KCTD2: variants seen among roughly 807,000 people sequenced by gnomAD.
KCTD2 encodes the protein BTB/POZ domain-containing protein KCTD2.
KCTD2 carries 18 observed loss-of-function variants against 27.9 expected under a neutral mutation model. The ratio of observed to expected loss-of-function variants is 0.64; its 90% CI spans 0.45 to 0.96. The LOEUF is 0.96. Among genes scored for constraint, KCTD2 ranks in the 40% least tolerant of loss-of-function variants. The probability of loss-of-function intolerance (pLI) is 0.00; values close to 1 mark genes in which losing one functional copy is unlikely to be tolerated. For synonymous variants in KCTD2, 175 were observed against 148.4 expected, an observed-to-expected ratio of 1.18 and a Z score of -1.30; for missense variants, 280 against 348.0, an observed-to-expected ratio of 0.80 and a Z score of 1.56.
chr17:75,062,024 T>A (rs914565525), intron 4 of KCTD2, 96 bp from the exon 5 acceptor site: 34 of 1,445,396 alleles, frequency 2.4e-5, no homozygotes, highest in Non-Finnish European at 1.9e-6. Flanking sequence ...CTTTGATAAC[T>A]TAAAAGTTCA....
In KCTD2 at chr17:75,060,631, G is replaced by T. The variant is rs373289529; in HGVS notation, c.636+1026G>T. On this transcript the variant is annotated intron_variant, in intron 4 of 5. Coordinates refer to ENST00000322444, the MANE Select transcript of KCTD2 (RefSeq NM_015353.3). ...TGGCTCGCCAGGTTCATGGCTGGGC[G>T]CGTGGCGAGTGGGCCCGGCCAGGGA... 51 of 1,576,976 alleles carry T rather than the reference G, an allele frequency of 3.2e-5. 1 individual carries two copies. In the South Asian group the frequency reaches 5.6e-4, roughly 17 times the overall value.
At position 75,055,637 on chromosome 17, in the gene KCTD2, G is replaced by A. The variant is rs12943148; in HGVS notation, c.540+2532G>A. Among the ~76,000 whole-genome samples the A allele has an allele frequency of 2.6e-5, 4 of 151,514 alleles. No individual in the cohort carries two copies. The East Asian group carries it at 6.0e-4, about 23-fold the overall frequency. ...TCACCTGAGGTCAGGAGTTCAAGACGAGCCTGACTAACATGGAGAAACCCT... is the reference window on the plus strand; with the variant it reads ...TCACCTGAGGTCAGGAGTTCAAGACAAGCCTGACTAACATGGAGAAACCCT... On this transcript the variant is annotated intron_variant, in intron 3 of 5. Transcript: ENST00000322444.
Position 75,047,322 on chromosome 17 carries a change from G to T in KCTD2, c.72G>T (p.Gly24=). 1 of 1,161,104 alleles carries T rather than the reference G, an allele frequency of 8.6e-7. No homozygotes were observed. The highest frequency in any genetic ancestry group is 1.6e-5 in the African/African-American group (1 of 61,690). The allele number at this position is 1,161,104 out of a possible 1,614,324, so 71.9% of individuals were successfully genotyped here. ...GCGGCGGGAGTGGGGTGGGCGACGGGGGTGGCCCAGTCCGCGGGCCCCCCA... is the reference window on the plus strand; with the variant it reads ...GCGGCGGGAGTGGGGTGGGCGACGGTGGTGGCCCAGTCCGCGGGCCCCCCA... ...GGGGGSGVGD[G]GGPVRGPPSP... is the part of the protein sequence containing the mutation. Residue 24 remains glycine, a synonymous_variant, in exon 1 of 6, where the codon GGG becomes GGT. Coordinates refer to ENST00000322444, the MANE Select transcript of KCTD2 (RefSeq NM_015353.3).
chr17:75,059,373 G>A (rs970375620), intron 3 of KCTD2, 137 bp from the exon 4 acceptor site: 12 of 496,062 alleles, frequency 2.4e-5, no homozygotes, highest in Admixed American at 2.1e-4. Context: ...TTGTAAAAGG[G>A]GATAGTGGGT....
intron 3 of KCTD2, among the ~76,000 whole-genome samples, chr17:75,054,908 G>C (rs2073334247): frequency 6.6e-6 from 1 of 151,168 alleles, no homozygotes; most frequent in African/African-American, 2.5e-5. Context: ...AGAGTTAACA[G>C]TAAGAAGGCA....
intron 2 of KCTD2, among the ~76,000 whole-genome samples, chr17:75,049,846 A>C (rs1252392566): frequency 6.6e-6 from 1 of 152,134 alleles, no homozygotes; most frequent in Non-Finnish European, 1.5e-5. Flanking sequence ...TACTTGCCTC[A>C]TCTTTGTGGT....
chr17:75,058,897 AC>A (rs1325466435), intron 3 of KCTD2, among the ~76,000 whole-genome samples: 2 of 152,060 alleles, frequency 1.3e-5, no homozygotes, highest in Non-Finnish European at 2.9e-5. Flanking sequence ...GGAGATCGAG[AC>A]CATCCTGGCT....
At chr17:75,041,649 A>G (rs1467621159) in intron 3 of KCTD2, 1 of 152,428 alleles carries the variant, frequency 6.6e-6, no homozygotes, top group East Asian at 1.9e-4. Flanking sequence ...ACAGGAAAAG[A>G]GTAGAAAAAA....
chr17:75,041,983 C>A, intron 3 of KCTD2: 1 of 530,672 alleles, frequency 1.9e-6, no homozygotes, highest in South Asian at 2.6e-5. Context: ...TAAGGCTACA[C>A]TCTACTGCTG....
intron 1 of KCTD2, among the ~76,000 whole-genome samples, chr17:75,033,635 C>T (rs771729863): frequency 3.3e-5 from 5 of 152,220 alleles, no homozygotes; most frequent in Non-Finnish European, 7.3e-5. Context: ...AAACCTCAGT[C>T]TTCATACCCC....
At chr17:75,046,541 G>A (rs915818662), upstream of KCTD2, among the ~76,000 whole-genome samples, 1 of 152,240 alleles carries the variant, frequency 6.6e-6, no homozygotes, top group Non-Finnish European at 1.5e-5. Context: ...GGAAGCTGCC[G>A]AAGGGGAAGG....
intron 3 of KCTD2, among the ~76,000 whole-genome samples, chr17:75,054,108 C>T (rs2144932725): frequency 6.6e-6 from 1 of 152,018 alleles, no homozygotes; most frequent in Non-Finnish European, 1.5e-5. Context: ...GCCTTGGCTT[C>T]CCAGGCTCAG....
upstream of KCTD2, chr17:75,042,540 G>T: frequency 4.3e-6 from 7 of 1,612,062 alleles, no homozygotes; most frequent in Non-Finnish European, 5.9e-6. Context: ...TGGAGGTGAG[G>T]GTCTCATTCC....
intron 3 of KCTD2, chr17:75,039,345 G>T: frequency 7.4e-7 from 1 of 1,357,222 alleles, no homozygotes; most frequent in African/African-American, 1.4e-5. Flanking sequence ...GGTAGGAGTC[G>T]TCCCAGCCCA....
chr17:75,040,131 A>G lies in KCTD2; in HGVS notation c.-259+4774A>G, dbSNP rs998460002. 3 of 1,612,676 alleles carry G rather than the reference A, an allele frequency of 1.9e-6. No homozygotes were observed. In the African/African-American group the frequency reaches 4.0e-5, roughly 22 times the overall value. On this transcript the variant is annotated intron_variant, in intron 3 of 7. Coordinates refer to the KCTD2 transcript ENST00000581589. ...CGGCATCCACCTGGGCAGTATATTT[A>G]TCCTCTGGCACGGGAACCTTCAGCG...
chr17:75,056,458 C>A (rs1477290726), intron 3 of KCTD2, among the ~76,000 whole-genome samples: 1 of 152,186 alleles, frequency 6.6e-6, no homozygotes, highest in Non-Finnish European at 1.5e-5. Context: ...TGAACATTCT[C>A]CCTTCTTCGT....
At position 75,063,040 on chromosome 17, in the gene KCTD2, G is replaced by A. The variant is rs1435125905; in HGVS notation, c.785G>A (p.Arg262Gln). The A allele has an allele frequency of 5.0e-6, 8 of 1,613,786 alleles. No homozygotes were observed. Among genetic ancestry groups the A allele is most frequent in the Non-Finnish European group, 8.5e-7 (1 of 1,179,960 alleles). ...KAKILQERGS[R>Q]M ...CAGATTCTTCAGGAGAGAGGATCGC[G>A]GATGTAAACTAAGACCCCGAAAACT... Residue 262 changes from arginine to glutamine, a missense_variant, in exon 6 of 6, where the codon CGG becomes CAG. Arg to Gln is a conservative substitution (Grantham distance 43). Transcript: ENST00000322444.
intron 2 of KCTD2, among the ~76,000 whole-genome samples, chr17:75,034,421 C>G (rs1364126261): frequency 6.6e-6 from 1 of 152,196 alleles, no homozygotes; most frequent in Non-Finnish European, 1.5e-5. Context: ...GCGAGCACAG[C>G]CCCTCTCGAC....
intron 3 of KCTD2, among the ~76,000 whole-genome samples, chr17:75,035,766 GA>G (rs1166799826): frequency 1.3e-5 from 2 of 152,154 alleles, no homozygotes; most frequent in Non-Finnish European, 2.9e-5. Flanking sequence ...CCAGGAGGCC[GA>G]GGTTGCAGTG....
Sources: allele counts gnomAD v4.1 joint callset (sites outside exome capture counted in the v4.1 genomes callset), GRCh38; gene constraint gnomAD v4.1.1; transcripts MANE v1.5; gene names NCBI Gene and HGNC (gene_info 2026-07-23, HGNC 2026-07-21).